The following SLAIN1 variants were observed in gnomAD, a reference collection of about 807,000 sequenced individuals.
SLAIN1 encodes SLAIN family member 1.
In SLAIN1, 17 loss-of-function variants were observed where a neutral mutation model predicts 55.4. The observed-to-expected ratio is 0.31, with a 90% CI of 0.21 to 0.46. The LOEUF (loss-of-function observed/expected upper bound fraction) is 0.46. Ranked by LOEUF, SLAIN1 falls within the 20% of genes least tolerant of loss-of-function variation. SLAIN1 has a pLI of 1.00. For synonymous variants in SLAIN1, 348 were observed against 337.4 expected, an observed-to-expected ratio of 1.03 and a Z score of -0.35; for missense variants, 682 against 785.1, an observed-to-expected ratio of 0.87 and a Z score of 1.57.
chr13:77,715,081 T>C (rs2091193557), intron 1 of SLAIN1, among the ~76,000 whole-genome samples: 1 of 152,184 alleles, frequency 6.6e-6, no homozygotes, highest in African/African-American at 2.4e-5. Context: ...TTGGCCAGGA[T>C]GGTCTCGATC....
At chr13:77,733,898 A>G (rs1338900844) in intron 2 of SLAIN1, among the ~76,000 whole-genome samples, 1 of 152,192 alleles carries the variant, frequency 6.6e-6, no homozygotes, top group Non-Finnish European at 1.5e-5. Flanking sequence ...TTACTGCTCC[A>G]GAAGGGTTGC....
intron 1 of SLAIN1, among the ~76,000 whole-genome samples, chr13:77,700,177 T>G (rs1005049998): frequency 6.6e-6 from 1 of 152,074 alleles, no homozygotes; most frequent in African/African-American, 2.4e-5. Context: ...TCATATTTAG[T>G]TAGCATCCTA....
At chr13:77,709,570 A>G (rs986251752) in intron 1 of SLAIN1, among the ~76,000 whole-genome samples, 2 of 152,222 alleles carry the variant, frequency 1.3e-5, no homozygotes, top group African/African-American at 4.8e-5. Flanking sequence ...TAGAAACCCT[A>G]CAAGCCAGAA....
At chr13:77,732,076 T>TTAC (rs967846122) in intron 2 of SLAIN1, among the ~76,000 whole-genome samples, 3 of 152,114 alleles carry the variant, frequency 2.0e-5, no homozygotes, top group African/African-American at 7.2e-5. Context: ...ATTTGTATAT[T>TTAC]TACTTTCTAT....
At chr13:77,747,562 C>T (rs1361934260) in intron 4 of SLAIN1, among the ~76,000 whole-genome samples, 1 of 152,176 alleles carries the variant, frequency 6.6e-6, no homozygotes, top group Non-Finnish European at 1.5e-5. Context: ...CCTTCAGTCT[C>T]TTACTGTCTG....
chr13:77,740,528 GC>G (rs5804928), intron 2 of SLAIN1, among the ~76,000 whole-genome samples: 67,659 of 142,540 alleles, frequency 0.47, 16,268 homozygotes, highest in Non-Finnish European at 0.54. Flanking sequence ...TTTGCGAACC[GC>G]CCCCCCCCCC....
chr13:77,728,962 A>G (rs1198456083), intron 2 of SLAIN1, among the ~76,000 whole-genome samples: 1 of 152,200 alleles, frequency 6.6e-6, no homozygotes, highest in Non-Finnish European at 1.5e-5. Flanking sequence ...ATCTGGAATC[A>G]TATTGGAATT....
chr13:77,702,715 T>G (rs2091043106), intron 1 of SLAIN1, among the ~76,000 whole-genome samples: 1 of 132,104 alleles, frequency 7.6e-6, no homozygotes, highest in Admixed American at 7.3e-5. Flanking sequence ...ACATCACTGA[T>G]ATTTTTTTTT....
chr13:77,744,283 G>C lies in SLAIN1; in HGVS notation c.767G>C (p.Gly256Ala). 1.2e-6 allele frequency: 2 copies of C among 1,610,330 alleles called. No individual in the cohort carries two copies. The highest frequency in any genetic ancestry group is 1.7e-6 in the Non-Finnish European group (2 of 1,177,016). The change falls in exon 3 of 7, where the codon GGT becomes GCT. Residue 256 changes from glycine (G) to alanine (A), a missense_variant and splice_region_variant. Gly to Ala is a moderately conservative substitution (Grantham distance 60). Coordinates refer to ENST00000418532, the MANE Select transcript of SLAIN1 (RefSeq NM_001242868.2). Reference sequence around the variant, plus strand: ...AACACACTTTTCCTTTGTGTTTCAGGTTACACTTCCAGGGGCTCCCCACTC... The same window carrying C: ...AACACACTTTTCCTTTGTGTTTCAGCTTACACTTCCAGGGGCTCCCCACTC... The part of the protein sequence containing the change: ...RRSLCFRLEQ[G>A]YTSRGSPLSP...
intron 4 of SLAIN1, among the ~76,000 whole-genome samples, chr13:77,752,972 A>G (rs1260218191): frequency 6.6e-6 from 1 of 152,190 alleles, no homozygotes; most frequent in Non-Finnish European, 1.5e-5. Flanking sequence ...ACATCCTTCA[A>G]TCCAATCAAG....
intron 4 of SLAIN1, among the ~76,000 whole-genome samples, chr13:77,747,643 G>T (rs948012305): frequency 1.3e-5 from 2 of 152,156 alleles, no homozygotes; most frequent in African/African-American, 4.8e-5. Flanking sequence ...TACACAGCCA[G>T]ATCTAGGCAA....
intron 4 of SLAIN1, among the ~76,000 whole-genome samples, chr13:77,747,721 A>C (rs1464187237): frequency 2.6e-5 from 4 of 152,140 alleles, no homozygotes. Flanking sequence ...CAGCAGGAAC[A>C]TGGAGGTTGC....
At chr13:77,714,089 G>A (rs949663561) in intron 1 of SLAIN1, among the ~76,000 whole-genome samples, 5 of 152,080 alleles carry the variant, frequency 3.3e-5, no homozygotes, top group African/African-American at 1.2e-4. Context: ...GTTGATGGGT[G>A]CAGCAAACCA....
At position 77,746,702 on chromosome 13, in the gene SLAIN1, A is replaced by G; in HGVS notation, c.1105A>G (p.Arg369Gly). ...PRLPRCSPFQ[R>G]GIPHSQTFSS... The stretch of plus-strand genomic sequence containing the variant: ...TCTTCCAAGATGTTCCCCTTTCCAA[A>G]GAGGAATTCCCCATTCACAGACTTT... The change falls in exon 4 of 7, where the codon AGA becomes GGA. Residue 369 changes from arginine to glycine, a missense_variant. By Grantham distance (125) the Arg-to-Gly change is moderately radical (BLOSUM62 -2). Transcript: ENST00000418532. The G allele has an allele frequency of 6.2e-7, 1 of 1,613,776 alleles. No individual in the cohort carries two copies. The highest frequency in any genetic ancestry group is 8.5e-7 in the Non-Finnish European group (1 of 1,179,814).
At chr13:77,723,932 TAAAAAA>T (rs10599579) in intron 2 of SLAIN1, among the ~76,000 whole-genome samples, 1 of 145,924 alleles carries the variant, frequency 6.9e-6, no homozygotes, top group Non-Finnish European at 1.5e-5. Flanking sequence ...TTTTGGAGAT[TAAAAAA>T]AAAAAAAAAC....
intron 2 of SLAIN1, among the ~76,000 whole-genome samples, chr13:77,729,723 T>C (rs2091339568): frequency 6.6e-6 from 1 of 152,136 alleles, no homozygotes; most frequent in African/African-American, 2.4e-5. Context: ...CTTGGGAACA[T>C]GCATTCTGAT....
intron 4 of SLAIN1, among the ~76,000 whole-genome samples, chr13:77,751,037 A>G (rs2034749923): frequency 6.6e-6 from 1 of 152,172 alleles, no homozygotes; most frequent in African/African-American, 2.4e-5. Context: ...TCAAAGGAGT[A>G]GTGTATGAAA....
intron 2 of SLAIN1, among the ~76,000 whole-genome samples, chr13:77,740,893 GTGGAGCATTATT>G (rs1272015785): frequency 3.9e-5 from 6 of 152,046 alleles, no homozygotes; most frequent in African/African-American, 1.4e-4. Context: ...TTGGGCACTA[GTGGAGCATTATT>G]GTTTTGTTAG....
At position 77,732,532 on chromosome 13, in the gene SLAIN1, G is replaced by A. The variant is rs1243334681; in HGVS notation, c.767-11751G>A. On this transcript the variant is annotated intron_variant, in intron 2 of 6. Transcript: ENST00000418532. Reference sequence around the variant, plus strand: ...ACATCTCATCGTTGCCAAATTATTAGATCAGTCTTCTTCTTTGTTCTTTTA... The same window carrying A: ...ACATCTCATCGTTGCCAAATTATTAAATCAGTCTTCTTCTTTGTTCTTTTA... Among the ~76,000 whole-genome samples, 3 of 152,214 alleles carry A rather than the reference G, an allele frequency of 2.0e-5. No individual in the cohort carries two copies. In the East Asian group the frequency reaches 5.8e-4, roughly 29 times the overall value.
Sources: allele counts gnomAD v4.1 joint callset (sites outside exome capture counted in the v4.1 genomes callset), GRCh38; gene constraint gnomAD v4.1.1; transcripts MANE v1.5; gene names NCBI Gene and HGNC (gene_info 2026-07-23, HGNC 2026-07-21).